MAP4K3: variants seen among roughly 807,000 people sequenced by gnomAD.
MAP4K3 encodes MAPK/ERK kinase kinase kinase 3.
A neutral mutation model predicts 143.5 loss-of-function variants in MAP4K3; 94 were observed. The observed-to-expected ratio is 0.65, with a 90% confidence interval of 0.55 to 0.78. The LOEUF is 0.78. Among genes scored for constraint, MAP4K3 ranks in the 30% least tolerant of loss-of-function variants. The pLI, the probability that MAP4K3 is intolerant of heterozygous loss-of-function variation, is 0.00. For synonymous variants in MAP4K3, 416 were observed against 347.2 expected (o/e 1.20, Z -2.20); for missense variants, 1,077 against 1,068.1 (o/e 1.01, Z -0.12).
In MAP4K3 at chr2:39,286,838, C is replaced by CTATCAATACCTACTGGTACATCTTTCTT. The variant is rs767220474; in HGVS notation, c.1573_1587+13dup. 1.3e-6 allele frequency: 2 copies of CTATCAATACCTACTGGTACATCTTTCTT among 1,530,526 alleles called. No individual in the cohort carries two copies. Among genetic ancestry groups the CTATCAATACCTACTGGTACATCTTTCTT allele is most frequent in the Admixed American group, 3.5e-5 (2 of 57,156 alleles). The allele number at this position is 1,530,526 out of a possible 1,614,324, so 94.8% of individuals were successfully genotyped here. ...AAACAAATACAAGTAGAACTTATGACTATCAATACCTACTGGTACATCTTT... is the reference window on the plus strand; with the variant it reads ...AAACAAATACAAGTAGAACTTATGACTATCAATACCTACTGGTACATCTTTCTTTATCAATACCTACTGGTACATCTTT... On this transcript the variant is annotated intron_variant, in intron 21 of 33. Transcript: ENST00000263881.
chr2:39,284,500 A>G (rs1004373466), intron 21 of MAP4K3, among the ~76,000 whole-genome samples: 2 of 152,116 alleles, frequency 1.3e-5, no homozygotes, highest in Non-Finnish European at 2.9e-5. Flanking sequence ...TCTGAGTGTT[A>G]TAACTCTCAG....
chr2:39,416,887 G>A (rs147939337), intron 1 of MAP4K3, among the ~76,000 whole-genome samples: 1 of 152,296 alleles, frequency 6.6e-6, no homozygotes, highest in African/African-American at 2.4e-5. Context: ...ACTAGCTGTG[G>A]AGCCTTGGGA....
chr2:39,289,597 T>C (rs1681946531), intron 19 of MAP4K3, among the ~76,000 whole-genome samples: 1 of 152,200 alleles, frequency 6.6e-6, no homozygotes, highest in African/African-American at 2.4e-5. Flanking sequence ...TAATTAAAAT[T>C]ATCTTTTGAA....
chr2:39,413,528 T>C (rs1406005710), intron 1 of MAP4K3, among the ~76,000 whole-genome samples: 2 of 151,984 alleles, frequency 1.3e-5, no homozygotes, highest in African/African-American at 4.8e-5. Flanking sequence ...CAGCCAAAAA[T>C]GGGTCACATC....
chr2:39,272,931 T>G (rs1681091792), intron 24 of MAP4K3, among the ~76,000 whole-genome samples: 1 of 151,940 alleles, frequency 6.6e-6, no homozygotes, highest in Admixed American at 6.6e-5. Context: ...AGGCACAATA[T>G]GCATTCTAGG....
At chr2:39,312,472 C>T (rs189305879) in intron 13 of MAP4K3, among the ~76,000 whole-genome samples, 54 of 152,274 alleles carry the variant, frequency 3.5e-4, no homozygotes, top group African/African-American at 1.3e-3. Context: ...ACTTTTCTAA[C>T]GGTTTGATTT....
chr2:39,281,342 T>A (rs1001057391), intron 22 of MAP4K3, among the ~76,000 whole-genome samples: 2 of 152,164 alleles, frequency 1.3e-5, no homozygotes, highest in African/African-American at 4.8e-5. Flanking sequence ...TCCCTTTTAA[T>A]GACAGAAATC....
chr2:39,311,719 GTCAAACAT>G (rs1238322274), intron 13 of MAP4K3, among the ~76,000 whole-genome samples: 1 of 152,216 alleles, frequency 6.6e-6, no homozygotes, highest in Non-Finnish European at 1.5e-5. Context: ...TTCCAGTCCA[GTCAAACAT>G]TCAGATGACT....
chr2:39,302,243 A>C (rs1190025332), intron 15 of MAP4K3, among the ~76,000 whole-genome samples: 1 of 152,176 alleles, frequency 6.6e-6, no homozygotes, highest in Non-Finnish European at 1.5e-5. Flanking sequence ...TCTTACCAGG[A>C]AAGGTGAAAT....
intron 29 of MAP4K3, among the ~76,000 whole-genome samples, chr2:39,259,815 T>C (rs939688660): frequency 3.9e-5 from 6 of 152,216 alleles, no homozygotes; most frequent in Admixed American, 1.3e-4. Context: ...ATTTGTAATA[T>C]TAATTTAATT....
At chr2:39,262,713 A>ATT (rs1381398173) in intron 28 of MAP4K3, among the ~76,000 whole-genome samples, 6 of 152,244 alleles carry the variant, frequency 3.9e-5, no homozygotes, top group African/African-American at 1.4e-4. Flanking sequence ...TATCTAATGT[A>ATT]TTTTTGTCTC....
chr2:39,267,495 A>C, intron 26 of MAP4K3: 2 of 355,784 alleles, frequency 5.6e-6, no homozygotes, highest in South Asian at 3.2e-5. Flanking sequence ...ACATAATAAA[A>C]CCCCGTCTCT....
chr2:39,388,592 T>C (rs922780788), intron 1 of MAP4K3, among the ~76,000 whole-genome samples: 16 of 152,322 alleles, frequency 1.1e-4, no homozygotes, highest in African/African-American at 3.4e-4. Context: ...AGCAATGCCC[T>C]TGAAGAGTCA....
At chr2:39,343,548 AAAC>A (rs1263826022) in intron 3 of MAP4K3, 96 bp from the exon 4 acceptor site, 2 of 877,680 alleles carry the variant, frequency 2.3e-6, no homozygotes, top group Non-Finnish European at 3.7e-6. Context: ...TAACACTGAA[AAAC>A]AACAAATGCA....
At chr2:39,408,751 A>G (rs1174972026) in intron 1 of MAP4K3, among the ~76,000 whole-genome samples, 2 of 152,126 alleles carry the variant, frequency 1.3e-5, no homozygotes, top group Non-Finnish European at 2.9e-5. Flanking sequence ...AACAGAAGCA[A>G]CTTGATGGAG....
intron 15 of MAP4K3, among the ~76,000 whole-genome samples, chr2:39,304,597 T>C (rs1014077750): frequency 6.6e-6 from 1 of 152,188 alleles, no homozygotes; most frequent in Admixed American, 6.5e-5. Context: ...GTGGAGAAAG[T>C]AGAAGTCATG....
At chr2:39,420,350 T>G (rs1172304106) in intron 1 of MAP4K3, among the ~76,000 whole-genome samples, 1 of 152,236 alleles carries the variant, frequency 6.6e-6, no homozygotes, top group East Asian at 1.9e-4. Context: ...TTTATTTCAT[T>G]TATTTGCTCA....
intron 6 of MAP4K3, among the ~76,000 whole-genome samples, chr2:39,333,901 C>T (rs751129893): frequency 6.6e-6 from 1 of 151,426 alleles, no homozygotes; most frequent in African/African-American, 2.4e-5. Context: ...ATAATGTAAC[C>T]GTACAATGCA....
chr2:39,256,047 T>C (rs1463380059), intron 31 of MAP4K3, among the ~76,000 whole-genome samples: 1 of 152,340 alleles, frequency 6.6e-6, no homozygotes, highest in African/African-American at 2.4e-5. Flanking sequence ...TAAAAATGTT[T>C]GGATTTCATT....
Sources: allele counts gnomAD v4.1 joint callset (sites outside exome capture counted in the v4.1 genomes callset), GRCh38; gene constraint gnomAD v4.1.1; transcripts MANE v1.5; gene names NCBI Gene and HGNC (gene_info 2026-07-23, HGNC 2026-07-21).